NSD2: variants seen among roughly 807,000 people sequenced by gnomAD.
NSD2 encodes nuclear receptor binding SET domain protein 2.
NSD2 carries 12 observed loss-of-function variants against 139.0 expected under a neutral mutation model. That is an observed-to-expected ratio of 0.09 (90% confidence interval 0.06 to 0.14). The LOEUF is 0.14. Ranked by LOEUF, NSD2 falls within the 10% of genes least tolerant of loss-of-function variation. The probability of loss-of-function intolerance (pLI) is 1.00; values close to 1 mark genes in which losing one functional copy is unlikely to be tolerated. For missense variants in NSD2, 1,155 were observed against 1,745.0 expected (o/e 0.66, Z 6.02); for synonymous variants, 669 against 648.7 (o/e 1.03, Z -0.48).
intron 9 of NSD2, chr4:1,941,324 A>G: frequency 9.5e-7 from 1 of 1,054,294 alleles, no homozygotes; most frequent in Non-Finnish European, 1.1e-6. Context: ...TGTTGCTTAT[A>G]CTGTTGTCAG....
At chr4:1,935,308 G>A (rs751170241) in intron 7 of NSD2, 46 bp downstream of exon 7, 8 of 1,433,752 alleles carry the variant, frequency 5.6e-6, no homozygotes, top group South Asian at 2.3e-5. Flanking sequence ...TGTATGCTCT[G>A]TGACTCTTGG....
rs1313058882 is a variant in NSD2 at position 1,939,727 on chromosome 4, T to G, written c.1830T>G (p.Ala610=). 1.2e-6 allele frequency: 2 copies of G among 1,614,078 alleles called. No individual in the cohort carries two copies. The highest frequency in any genetic ancestry group is 1.7e-6 in the Non-Finnish European group (2 of 1,180,042). ...GGGCTTCCACGGCAGCATCTTCAGC[T>G]CTTGGGTTTAGCAAAAGTTCATCTC... is the stretch of plus-strand genomic sequence containing the variant. ...RNRASTAASS[A]LGFSKSSSPS... The change falls in exon 9 of 22, where the codon GCT becomes GCG. Residue 610 remains alanine (A), a synonymous_variant. Coordinates refer to ENST00000508803, the MANE Select transcript of NSD2 (RefSeq NM_001042424.3).
chr4:1,957,293 T>G (rs908829946), intron 15 of NSD2, among the ~76,000 whole-genome samples: 21 of 151,804 alleles, frequency 1.4e-4, no homozygotes, highest in Admixed American at 5.2e-4. Flanking sequence ...TTTTTGTTTT[T>G]TTTTTTTTGA....
At chr4:1,912,600 A>G (rs990116631) in intron 3 of NSD2, among the ~76,000 whole-genome samples, 2 of 151,272 alleles carry the variant, frequency 1.3e-5, no homozygotes, top group African/African-American at 4.9e-5. Context: ...TCCTATTTAT[A>G]TATTTATATA....
chr4:1,892,310 A>G (rs1021663950), intron 1 of NSD2: 1 of 151,704 alleles, frequency 6.6e-6, no homozygotes, highest in Non-Finnish European at 1.5e-5. Flanking sequence ...CTGAATGGTG[A>G]CTGTTGTTGT....
intron 1 of NSD2, among the ~76,000 whole-genome samples, chr4:1,876,779 A>T (rs1460337441): frequency 6.6e-6 from 1 of 152,174 alleles, no homozygotes; most frequent in Admixed American, 6.5e-5. Flanking sequence ...AGGAATTGGA[A>T]CCTCAATTTT....
intron 17 of NSD2, among the ~76,000 whole-genome samples, chr4:1,960,224 G>C (rs1725232588): frequency 6.6e-6 from 1 of 152,186 alleles, no homozygotes; most frequent in Non-Finnish European, 1.5e-5. Context: ...AAAGGTATCT[G>C]CTATAACTCA....
intron 18 of NSD2, among the ~76,000 whole-genome samples, chr4:1,961,991 C>G (rs1050485494): frequency 1.3e-5 from 2 of 152,332 alleles, no homozygotes; most frequent in South Asian, 4.1e-4. Flanking sequence ...AATAGTAGTG[C>G]TTGAAAACCA....
intron 1 of NSD2, among the ~76,000 whole-genome samples, chr4:1,873,098 C>T (rs1234912917): frequency 6.6e-6 from 1 of 152,142 alleles, no homozygotes; most frequent in East Asian, 1.9e-4. Flanking sequence ...TACTTTGAGT[C>T]ATTTCCTTTT....
intron 18 of NSD2, among the ~76,000 whole-genome samples, chr4:1,968,622 G>A (rs1726124474): frequency 6.6e-6 from 1 of 152,012 alleles, no homozygotes; most frequent in African/African-American, 2.4e-5. Context: ...ATAGTAATTA[G>A]AAAGCACAGA....
chr4:1,884,508 C>G (rs1714935390), intron 1 of NSD2, among the ~76,000 whole-genome samples: 1 of 152,144 alleles, frequency 6.6e-6, no homozygotes, highest in Admixed American at 6.5e-5. Context: ...ATTCTCCTGC[C>G]TCAGCCTCCC....
chr4:1,955,567 C>A lies in NSD2; in HGVS notation c.2519-126C>A. 3 of 1,292,286 alleles carry A rather than the reference C, an allele frequency of 2.3e-6. No homozygotes were observed. Among genetic ancestry groups the A allele is most frequent in the Non-Finnish European group, 3.1e-6 (3 of 965,906 alleles). 80.1% of individuals were successfully genotyped at this position (1,292,286 alleles called of 1,614,324 possible). ...TGACATTTGCTCTCGTGCTGATGTACAGATCGCTGTTTTAAAACTGATGTT... is the reference window on the plus strand; with the variant it reads ...TGACATTTGCTCTCGTGCTGATGTAAAGATCGCTGTTTTAAAACTGATGTT... On this transcript the variant is annotated intron_variant, in intron 13 of 21. Coordinates refer to ENST00000508803, the MANE Select transcript of NSD2 (RefSeq NM_001042424.3). This position sits in a 1 kb window ranked among gnomAD's most constrained non-coding sequence, Gnocchi z 4.7.
rs1249454361 is a variant in NSD2 at position 1,942,172 on chromosome 4, A to C, written c.1881+2394A>C. On this transcript the variant is annotated intron_variant, in intron 9 of 21. Coordinates refer to ENST00000508803, the MANE Select transcript of NSD2 (RefSeq NM_001042424.3). This position sits in a 1 kb window ranked among gnomAD's most constrained non-coding sequence, Gnocchi z 4.0. ...ATAAATAAAAATTTTTATTGGAATA[A>C]TTATTACATGGTACTACATCACCCT... 7.6e-7 allele frequency: 1 copy of C among 1,312,688 alleles called. No individual in the cohort carries two copies. Among genetic ancestry groups the C allele is most frequent in the Admixed American group, 3.5e-5 (1 of 28,236 alleles). 81.3% of individuals were successfully genotyped at this position (1,312,688 alleles called of 1,614,324 possible). A position where few individuals can be genotyped will look rare whatever the true frequency, so the allele number is the denominator to read the frequency against.
chr4:1,890,316 TG>T (rs1295796894), intron 1 of NSD2, among the ~76,000 whole-genome samples: 7 of 152,236 alleles, frequency 4.6e-5, no homozygotes, highest in Middle Eastern at 3.4e-3. Flanking sequence ...GTTTTTTTTT[TG>T]AGATGGCGTC....
intron 1 of NSD2, among the ~76,000 whole-genome samples, chr4:1,891,511 C>T (rs1039990615): frequency 2.6e-5 from 4 of 151,990 alleles, no homozygotes; most frequent in African/African-American, 7.3e-5. Flanking sequence ...ACATCTAAGC[C>T]AGTGGGCAAG....
intron 1 of NSD2, among the ~76,000 whole-genome samples, chr4:1,885,987 T>G (rs1042467243): frequency 6.6e-6 from 1 of 152,224 alleles, no homozygotes; most frequent in African/African-American, 2.4e-5. Context: ...ATTTTATGAA[T>G]AATTTGTAGA....
At position 1,955,908 on chromosome 4, in the gene NSD2, C is replaced by T; in HGVS notation, c.2675+59C>T. The T allele has an allele frequency of 1.9e-6, 3 of 1,610,028 alleles. No individual in the cohort carries two copies. Among genetic ancestry groups the T allele is most frequent in the South Asian group, 1.1e-5 (1 of 90,888 alleles). On this transcript the variant is annotated intron_variant, in intron 14 of 21. Coordinates refer to ENST00000508803, the MANE Select transcript of NSD2 (RefSeq NM_001042424.3). This position sits in a 1 kb window ranked among gnomAD's most constrained non-coding sequence, Gnocchi z 4.7. ...TTTCTGTTCACATGTGTTCGCTTTA[C>T]AGTACTTAAAGTATTGAAATTATTA...
intron 18 of NSD2, among the ~76,000 whole-genome samples, chr4:1,967,306 A>G (rs1312495102): frequency 6.6e-6 from 1 of 152,234 alleles, no homozygotes; most frequent in African/African-American, 2.4e-5. Context: ...GAGGCCGGGC[A>G]CGGTGGCTCA....
intron 2 of NSD2, among the ~76,000 whole-genome samples, chr4:1,903,528 G>A (rs1717471051): frequency 6.6e-6 from 1 of 152,096 alleles, no homozygotes; most frequent in Admixed American, 6.5e-5. Flanking sequence ...AGAACTGATC[G>A]TCAGACATGA....
Sources: gnomAD v4.1 joint callset for allele counts (sites outside exome capture counted in the v4.1 genomes callset) on GRCh38, gnomAD v4.1.1 for gene constraint, Gnocchi (gnomAD v3.1) non-coding constraint, MANE v1.5 for transcripts, NCBI Gene and HGNC (gene_info 2026-07-23, HGNC 2026-07-21) for gene names.